Variants in WWOX observed in about 807,000 individuals in gnomAD.
The protein encoded by WWOX is WW domain containing oxidoreductase.
WWOX carries 69 observed loss-of-function variants against 46.2 expected under a neutral mutation model. The observed-to-expected ratio is 1.49, with a 90% CI of 1.23 to 1.82. The LOEUF (loss-of-function observed/expected upper bound fraction) is 1.82. Among genes scored for constraint, WWOX ranks in the 40% most tolerant of loss-of-function variants. WWOX has a pLI of 0.00. For missense variants in WWOX, 919 were observed against 542.6 expected (o/e 1.69, Z -6.89); for synonymous variants, 359 against 202.6 (o/e 1.77, Z -6.56).
At chr16:78,702,017 A>G (rs559365952) in intron 8 of WWOX, among the ~76,000 whole-genome samples, 53 of 114,818 alleles carry the variant, frequency 4.6e-4, no homozygotes, top group African/African-American at 2.7e-3. Context: ...TTATATATAT[A>G]TATATATATA....
chr16:79,105,494 A>G (rs2049289883), intron 8 of WWOX, among the ~76,000 whole-genome samples: 2 of 152,230 alleles, frequency 1.3e-5, no homozygotes, highest in African/African-American at 2.4e-5. Context: ...ATCTATACCT[A>G]TACCCATATC....
At chr16:78,748,015 G>C (rs541394065) in intron 8 of WWOX, among the ~76,000 whole-genome samples, 1 of 152,280 alleles carries the variant, frequency 6.6e-6, no homozygotes, top group Admixed American at 6.5e-5. Context: ...CATCTGCGCC[G>C]AAGAGTATTG....
At chr16:78,265,191 G>C (rs2079337060) in intron 5 of WWOX, among the ~76,000 whole-genome samples, 1 of 150,074 alleles carries the variant, frequency 6.7e-6, no homozygotes, top group African/African-American at 2.4e-5. Flanking sequence ...GGTAGAAACG[G>C]GGTTTCATCA....
intron 8 of WWOX, among the ~76,000 whole-genome samples, chr16:79,105,533 G>C (rs1442907433): frequency 6.6e-6 from 1 of 151,700 alleles, no homozygotes; most frequent in Non-Finnish European, 1.5e-5. Context: ...TGTGTATTTA[G>C]ATATTTCTAG....
At chr16:78,895,102 G>C (rs2044673110) in intron 8 of WWOX, among the ~76,000 whole-genome samples, 1 of 152,146 alleles carries the variant, frequency 6.6e-6, no homozygotes, top group Non-Finnish European at 1.5e-5. Flanking sequence ...TGTTTCCATG[G>C]TGAGGGCAGT....
At chr16:78,561,582 A>G (rs1408571548) in intron 8 of WWOX, among the ~76,000 whole-genome samples, 1 of 150,526 alleles carries the variant, frequency 6.6e-6, no homozygotes, top group African/African-American at 2.4e-5. Flanking sequence ...TCAAAGCCCC[A>G]TTTTTTTTTG....
intron 8 of WWOX, among the ~76,000 whole-genome samples, chr16:78,789,999 G>T (rs2050553400): frequency 6.6e-6 from 1 of 152,108 alleles, no homozygotes; most frequent in South Asian, 2.1e-4. Flanking sequence ...GCTAACAATA[G>T]TTGTTCTTTC....
At chr16:78,996,387 C>CAT in intron 8 of WWOX, 1 of 853,288 alleles carries the variant, frequency 1.2e-6, no homozygotes, top group South Asian at 5.8e-5. Context: ...CCCCCGCCCC[C>CAT]CAGCTTCCCC....
chr16:78,281,407 T>A (rs575957728), intron 5 of WWOX, among the ~76,000 whole-genome samples: 1 of 152,342 alleles, frequency 6.6e-6, no homozygotes, highest in South Asian at 2.1e-4. Context: ...TAGCTTTTTC[T>A]TTTAGTAGAT....
At chr16:79,008,281 C>G (rs971172930) in intron 8 of WWOX, among the ~76,000 whole-genome samples, 13 of 152,182 alleles carry the variant, frequency 8.5e-5, no homozygotes, top group African/African-American at 3.1e-4. Flanking sequence ...CTCCCCCATG[C>G]TCTGAGTCAC....
At chr16:78,757,454 G>T (rs141845439) in intron 8 of WWOX, among the ~76,000 whole-genome samples, 2 of 152,114 alleles carry the variant, frequency 1.3e-5, no homozygotes, top group Non-Finnish European at 2.9e-5. Context: ...GTGGTGTGAT[G>T]TGTTTGCCTG....
At chr16:79,181,477 G>A (rs867717763) in intron 8 of WWOX, among the ~76,000 whole-genome samples, 1 of 152,108 alleles carries the variant, frequency 6.6e-6, no homozygotes, top group Non-Finnish European at 1.5e-5. Flanking sequence ...CAAAGGTCAG[G>A]TGACATAATT....
chr16:78,597,126 A>G (rs535886156), intron 8 of WWOX, among the ~76,000 whole-genome samples: 27 of 152,188 alleles, frequency 1.8e-4, no homozygotes, highest in African/African-American at 6.3e-4. Context: ...CTCCTGACCT[A>G]TTGCTTTGTT....
chr16:78,990,165 C>T (rs1165578912), intron 8 of WWOX, among the ~76,000 whole-genome samples: 1 of 139,580 alleles, frequency 7.2e-6, no homozygotes, highest in East Asian at 2.2e-4. Flanking sequence ...GCCTGGGTGA[C>T]AGAGGGAGAC....
intron 5 of WWOX, among the ~76,000 whole-genome samples, chr16:78,214,622 C>T (rs752500443): frequency 2.0e-4 from 31 of 152,046 alleles, no homozygotes; most frequent in African/African-American, 6.0e-4. Flanking sequence ...TTTGAATATT[C>T]GTGTCCCAGG....
chr16:78,443,791 TTTC>T, intron 8 of WWOX, among the ~76,000 whole-genome samples: 1 of 152,316 alleles, frequency 6.6e-6, no homozygotes, highest in South Asian at 2.1e-4. Context: ...TTTTATTACT[TTTC>T]TTTTTTCTTT....
chr16:78,432,514 G>T lies in WWOX; in HGVS notation c.818G>T (p.Gly273Val). 1.2e-6 allele frequency: 2 copies of T among 1,613,520 alleles called. No individual in the cohort carries two copies. The highest frequency in any genetic ancestry group is 1.7e-6 in the Non-Finnish European group (2 of 1,179,724). Residue 273 changes from glycine to valine, a missense_variant, in exon 8 of 9, where the codon GGA becomes GTA. By Grantham distance (109) the Gly-to-Val change is moderately radical (BLOSUM62 -3). Coordinates refer to ENST00000566780, the MANE Select transcript of WWOX (RefSeq NM_016373.4). ...TTTACAGATATTAACGACTCCTTGG[G>T]AAAACTGGACTTCAGTCGCCTCTCT... Reference protein sequence around the residue: ...HRFTDINDSLGKLDFSRLSPT... With the variant: ...HRFTDINDSLVKLDFSRLSPT...
At chr16:78,965,367 G>A (rs1222516137) in intron 8 of WWOX, among the ~76,000 whole-genome samples, 11 of 152,018 alleles carry the variant, frequency 7.2e-5, no homozygotes, top group South Asian at 2.1e-4. Context: ...TTAGGAGTTC[G>A]AGACTAGCCT....
rs537642648 is a variant in WWOX, at chr16:78,937,448, CTTTTTT to C, written c.1057-274139_1057-274134del. ...TTAGAGAACTTTGTATTTGTATTAA[CTTTTTT>C]TTTTTTTTTTTTTTTTTTTTAATAG... is the stretch of plus-strand genomic sequence containing the variant. On this transcript the variant is annotated intron_variant, in intron 8 of 8. Coordinates refer to ENST00000566780, the MANE Select transcript of WWOX (RefSeq NM_016373.4). 2.2e-3 allele frequency among the ~76,000 whole-genome samples: 180 copies of C among 81,992 alleles called. 1 individual carries two copies. Among genetic ancestry groups the C allele is most frequent in the African/African-American group, 8.8e-3 (169 of 19,120 alleles). The allele number at this position is 81,992 out of a possible 152,430, so 53.8% of individuals were successfully genotyped here.
Sources: allele counts gnomAD v4.1 joint callset (sites outside exome capture counted in the v4.1 genomes callset), GRCh38; gene constraint gnomAD v4.1.1; transcripts MANE v1.5; gene names NCBI Gene and HGNC (gene_info 2026-07-23, HGNC 2026-07-21).